The following PAG1 variants were observed in gnomAD, a reference collection of about 807,000 sequenced individuals.
PAG1 encodes the protein phosphoprotein associated with glycosphingolipid-enriched microdomains 1.
In PAG1, 23 loss-of-function variants were observed where a neutral mutation model predicts 31.7. The ratio of observed to expected loss-of-function variants is 0.73; its 90% CI spans 0.52 to 1.03. PAG1 has a LOEUF of 1.03. PAG1 is among the 50% of genes least tolerant of loss of function. PAG1 has a pLI of 0.00. For synonymous variants in PAG1, 214 were observed against 210.3 expected (o/e 1.02, Z -0.15); for missense variants, 473 against 540.7 (o/e 0.87, Z 1.24).
chr8:81,018,999 T>A (rs184572916), intron 3 of PAG1, among the ~76,000 whole-genome samples: 12 of 152,208 alleles, frequency 7.9e-5, no homozygotes. Context: ...GATAGTGATA[T>A]GGACAATAAA....
At chr8:81,004,070 GCATATTTA>G (rs1230395745) in intron 3 of PAG1, among the ~76,000 whole-genome samples, 2 of 152,162 alleles carry the variant, frequency 1.3e-5, no homozygotes, top group African/African-American at 2.4e-5. Context: ...CATGTACTTG[GCATATTTA>G]CATATTTACA....
chr8:81,021,940 G>A (rs1250444413), intron 3 of PAG1, among the ~76,000 whole-genome samples: 1 of 152,162 alleles, frequency 6.6e-6, no homozygotes, highest in African/African-American at 2.4e-5. Flanking sequence ...CTTTAGAGGA[G>A]TCTGCATTTT....
intron 2 of PAG1, among the ~76,000 whole-genome samples, chr8:81,043,172 A>G (rs1012253928): frequency 6.6e-6 from 1 of 151,812 alleles, no homozygotes; most frequent in Non-Finnish European, 1.5e-5. Context: ...CCCACTGTTC[A>G]CCACATTCGC....
rs149401704 is a variant in PAG1, at chr8:81,104,495, G to A, written c.-234+7096C>T. 7.6e-3 allele frequency among the ~76,000 whole-genome samples: 1,152 copies of A among 150,938 alleles called. 7 individuals are homozygous for A. The highest frequency in any genetic ancestry group is 0.011 in the Non-Finnish European group (735 of 67,884). ...AACCTGCATTTCCAGTTCGGCCTCC[G>A]TTTTGAATTCCAGAACCACAGGCTG... is the stretch of plus-strand genomic sequence containing the variant. On this transcript the variant is annotated intron_variant, in intron 1 of 8. Transcript: ENST00000220597.
chr8:81,087,362 A>G (rs1031005034), intron 1 of PAG1, among the ~76,000 whole-genome samples: 1 of 148,384 alleles, frequency 6.7e-6, no homozygotes, highest in Non-Finnish European at 1.5e-5. Flanking sequence ...AAAAAAAAAG[A>G]ATTTTAGAAG....
chr8:81,075,678 C>CA (rs1809165510), intron 1 of PAG1, among the ~76,000 whole-genome samples: 1 of 152,164 alleles, frequency 6.6e-6, no homozygotes, highest in Non-Finnish European at 1.5e-5. Context: ...GTGACACAGC[C>CA]AGTGAGTGGT....
chr8:80,973,506 TTTAAC>T lies in PAG1; in HGVS notation c.*3033_*3037del, dbSNP rs1807119317. ...TCTGAATAAAAACAAAGATCCTACT[TTTAAC>T]TGAGATAGATTTATAATTCTTACTT... On this transcript the variant is annotated 3_prime_UTR_variant, in exon 9 of 9. Transcript: ENST00000220597. The T allele has an allele frequency of 1.3e-5, 2 of 152,178 alleles. No individual in the cohort carries two copies. Among genetic ancestry groups the T allele is most frequent in the Admixed American group, 1.3e-4 (2 of 15,272 alleles). 9.4% of individuals were successfully genotyped at this position (152,178 alleles called of 1,614,324 possible).
At chr8:81,110,913 A>G (rs983809107) in intron 1 of PAG1, among the ~76,000 whole-genome samples, 4 of 152,246 alleles carry the variant, frequency 2.6e-5, no homozygotes, top group African/African-American at 9.6e-5. Context: ...CTGCAGAGAT[A>G]AAGTTATCCA....
chr8:81,026,368 C>A (rs556709615), intron 3 of PAG1, among the ~76,000 whole-genome samples: 9 of 150,706 alleles, frequency 6.0e-5, no homozygotes, highest in Middle Eastern at 3.4e-3. Flanking sequence ...AACAAAAAAA[C>A]CCCAAAATAA....
chr8:81,079,710 C>CTTATTATTATTA (rs142749932), intron 1 of PAG1, among the ~76,000 whole-genome samples: 7 of 151,460 alleles, frequency 4.6e-5, no homozygotes, highest in African/African-American at 1.5e-4. Flanking sequence ...AGAAGAAATA[C>CTTATTATTATTA]TTATTATTAT....
At chr8:80,993,860 C>A (rs1019077707) in intron 3 of PAG1, among the ~76,000 whole-genome samples, 3 of 152,298 alleles carry the variant, frequency 2.0e-5, no homozygotes, top group African/African-American at 7.2e-5. Flanking sequence ...CCTGCCTCAG[C>A]CTCCCAAAGT....
intron 1 of PAG1, 101 bp downstream of exon 1, chr8:81,111,490 C>CT (rs1809772605): frequency 6.6e-6 from 1 of 152,562 alleles, no homozygotes; most frequent in Non-Finnish European, 1.5e-5. Context: ...AGCTGGAACT[C>CT]TGTTAACAAG....
intron 3 of PAG1, among the ~76,000 whole-genome samples, chr8:81,010,590 CA>C (rs1807964646): frequency 6.6e-6 from 1 of 152,174 alleles, no homozygotes; most frequent in Admixed American, 6.5e-5. Context: ...TTTCTCTATC[CA>C]CTTGCAAAAT....
At position 80,971,586 on chromosome 8, in the gene PAG1, C is replaced by A. The variant is rs1807078055; in HGVS notation, c.*4958G>T. 6.6e-6 allele frequency: 1 copy of A among 152,150 alleles called. No individual in the cohort carries two copies. Among genetic ancestry groups the A allele is most frequent in the South Asian group, 2.1e-4 (1 of 4,830 alleles). 9.4% of individuals were successfully genotyped at this position (152,150 alleles called of 1,614,324 possible). On this transcript the variant is annotated 3_prime_UTR_variant, in exon 9 of 9. Transcript: ENST00000220597. ...GATATGAGACAACCCAAGGGTAGCA[C>A]ATTTTAAAAAATACCCACAGTATAT...
chr8:81,097,946 C>T (rs1809553981), intron 1 of PAG1, among the ~76,000 whole-genome samples: 2 of 152,198 alleles, frequency 1.3e-5, no homozygotes, highest in African/African-American at 2.4e-5. Context: ...CTACACTCTG[C>T]TCTTTCCTAT....
chr8:81,056,252 A>G (rs1041535995), intron 2 of PAG1, among the ~76,000 whole-genome samples: 2 of 152,196 alleles, frequency 1.3e-5, no homozygotes, highest in Admixed American at 6.5e-5. Flanking sequence ...AAAAGAGCCC[A>G]CATTGCCAAG....
chr8:81,052,494 C>G (rs1051170267), intron 2 of PAG1, among the ~76,000 whole-genome samples: 1 of 152,152 alleles, frequency 6.6e-6, no homozygotes, highest in African/African-American at 2.4e-5. Context: ...GCATTTTTCT[C>G]TAAAGCAGAA....
intron 1 of PAG1, among the ~76,000 whole-genome samples, chr8:81,071,755 C>G (rs901516480): frequency 2.0e-5 from 3 of 152,166 alleles, no homozygotes; most frequent in African/African-American, 7.2e-5. Flanking sequence ...TAGCACAATA[C>G]AGAGAGACGC....
chr8:81,086,437 T>C (rs963983645), intron 1 of PAG1, among the ~76,000 whole-genome samples: 1 of 152,062 alleles, frequency 6.6e-6, no homozygotes, highest in Non-Finnish European at 1.5e-5. Context: ...ATTAAAGCAG[T>C]TCAGGGCAAA....
Sources: allele counts gnomAD v4.1 joint callset (sites outside exome capture counted in the v4.1 genomes callset), GRCh38; gene constraint gnomAD v4.1.1; transcripts MANE v1.5; gene names NCBI Gene and HGNC (gene_info 2026-07-23, HGNC 2026-07-21).